Variants in DNAH1 observed in about 807,000 individuals in gnomAD.
DNAH1 encodes the protein dynein axonemal heavy chain 1.
In DNAH1, 327 loss-of-function variants were observed where a neutral mutation model predicts 484.3. The ratio of observed to expected loss-of-function variants is 0.68; its 90% CI spans 0.62 to 0.74. The LOEUF (loss-of-function observed/expected upper bound fraction) is 0.74, where lower values mean the gene tolerates loss of function less well. DNAH1 is among the 30% of genes least tolerant of loss of function. The pLI is 0.00. For missense variants in DNAH1, 5,052 were observed against 5,546.8 expected (o/e 0.91, Z 2.83); for synonymous variants, 2,192 against 2,191.9 (o/e 1.00, Z 0.00).
At chr3:52,320,420 C>T (rs1701102887) in intron 1 of DNAH1, among the ~76,000 whole-genome samples, 1 of 152,244 alleles carries the variant, frequency 6.6e-6, no homozygotes, top group South Asian at 2.1e-4. Flanking sequence ...GGCTGAATGT[C>T]TGGGGCTTCC....
In DNAH1 at chr3:52,361,618, C is replaced by T; in HGVS notation, c.4875-43C>T. Reference sequence around the variant, plus strand: ...CTCAGAGGGAGGTGCCCAGATTGGGCTCTGAACACATGTGCCCCATCCAAT... The same window carrying T: ...CTCAGAGGGAGGTGCCCAGATTGGGTTCTGAACACATGTGCCCCATCCAAT... On this transcript the variant is annotated intron_variant, in intron 29 of 77. Coordinates refer to ENST00000420323, the MANE Select transcript of DNAH1 (RefSeq NM_015512.5). This position sits in a 1 kb window ranked among gnomAD's most constrained non-coding sequence, Gnocchi z 5.6. 6.4e-7 allele frequency: 1 copy of T among 1,550,980 alleles called. No homozygotes were observed. Among genetic ancestry groups the T allele is most frequent in the Middle Eastern group, 1.7e-4 (1 of 5,978 alleles).
chr3:52,338,939 CAGG>C (rs1242184145), intron 8 of DNAH1, among the ~76,000 whole-genome samples: 2 of 150,730 alleles, frequency 1.3e-5, no homozygotes, highest in Non-Finnish European at 2.9e-5. Flanking sequence ...GAGGCTGAGG[CAGG>C]AGAATTGCTT....
At position 52,379,815 on chromosome 3, in the gene DNAH1, A is replaced by T; in HGVS notation, c.7378-90A>T. Reference sequence around the variant, plus strand: ...CCAGGCTCCAGTCAGGGCCCCAGGAACTGGGGCCCACCCTCCCTTGCCTGG... The same window carrying T: ...CCAGGCTCCAGTCAGGGCCCCAGGATCTGGGGCCCACCCTCCCTTGCCTGG... On this transcript the variant is annotated intron_variant, in intron 47 of 77. Coordinates refer to ENST00000420323, the MANE Select transcript of DNAH1 (RefSeq NM_015512.5). This position sits in a 1 kb window ranked among gnomAD's most constrained non-coding sequence, Gnocchi z 4.4. The T allele has an allele frequency of 8.6e-7, 1 of 1,161,722 alleles. No individual in the cohort carries two copies. Among genetic ancestry groups the T allele is most frequent in the Non-Finnish European group, 1.2e-6 (1 of 830,904 alleles). 72.0% of individuals were successfully genotyped at this position (1,161,722 alleles called of 1,614,324 possible). A position where few individuals can be genotyped will look rare whatever the true frequency, so the allele number is the denominator to read the frequency against.
chr3:52,390,829 G>T (rs1488324581), intron 60 of DNAH1, 106 bp from the exon 61 acceptor site: 1 of 1,495,104 alleles, frequency 6.7e-7, no homozygotes, highest in African/African-American at 1.4e-5. Flanking sequence ...ATGCAGTAAG[G>T]AGAGGGAAGT....
chr3:52,393,112 CTG>C, intron 65 of DNAH1, 87 bp downstream of exon 65: 2 of 1,506,288 alleles, frequency 1.3e-6, no homozygotes, highest in East Asian at 4.6e-5. Context: ...AAACTCACAA[CTG>C]TGTTCACTGG....
At chr3:52,372,521 A>T in intron 43 of DNAH1, 134 bp downstream of exon 43, 7 of 1,256,006 alleles carry the variant, frequency 5.6e-6, no homozygotes, top group African/African-American at 3.0e-5. Context: ...CAGCCCCCCA[A>T]TGGGCCCAGG....
At chr3:52,331,807 G>T (rs1468946023) in intron 7 of DNAH1, among the ~76,000 whole-genome samples, 2 of 151,806 alleles carry the variant, frequency 1.3e-5, no homozygotes, top group Non-Finnish European at 2.9e-5. Flanking sequence ...TGTAATTTTA[G>T]TAGAGACAGG....
chr3:52,346,608 A>G lies in DNAH1; in HGVS notation c.1793A>G (p.Lys598Arg), dbSNP rs1702153190. ...WEVYLMSKLR[K>R]LMELVKYMLQ... The stretch of plus-strand genomic sequence containing the variant: ...GTGTACCTCATGTCCAAGCTGCGCA[A>G]GCTGATGGAGCTGGTGAAGTACATG... Residue 598 changes from lysine (K) to arginine (R), a missense_variant, in exon 11 of 78, where the codon AAG becomes AGG. Physicochemically the swap from Lys to Arg is conservative, Grantham distance 26. Transcript: ENST00000420323. The G allele has an allele frequency of 1.2e-6, 2 of 1,613,942 alleles. No individual in the cohort carries two copies. Among genetic ancestry groups the G allele is most frequent in the Non-Finnish European group, 1.7e-6 (2 of 1,179,904 alleles).
intron 8 of DNAH1, among the ~76,000 whole-genome samples, chr3:52,336,887 G>A (rs532635026): frequency 6.6e-6 from 1 of 152,256 alleles, no homozygotes; most frequent in South Asian, 2.1e-4. Context: ...TGTTCTTTTT[G>A]CTTAGGTTTG....
At chr3:52,378,520 C>A in intron 46 of DNAH1, 82 bp from the exon 47 acceptor site, 2 of 1,468,108 alleles carry the variant, frequency 1.4e-6, no homozygotes, top group Non-Finnish European at 1.9e-6. Context: ...CACAGCACAG[C>A]AAAGGCAAGG....
At chr3:52,327,838 C>G (rs1451980062) in intron 5 of DNAH1, 44 bp from the exon 6 acceptor site, 2 of 1,606,864 alleles carry the variant, frequency 1.2e-6, no homozygotes, top group African/African-American at 1.3e-5. Context: ...CTGGGCCCCA[C>G]TAGAGGAGCT....
Position 52,349,378 on chromosome 3 carries a change from G to A in DNAH1, c.2484G>A (p.Val828=). 1 of 1,613,982 alleles carries A rather than the reference G, an allele frequency of 6.2e-7. No homozygotes were observed. The highest frequency in any genetic ancestry group is 8.5e-7 in the Non-Finnish European group (1 of 1,179,896). The change falls in exon 14 of 78, where the codon GTG becomes GTA. Residue 828 remains valine (V), a synonymous_variant. Coordinates refer to ENST00000420323, the MANE Select transcript of DNAH1 (RefSeq NM_015512.5). ...AACGCAAGGCCCTGGCCACTTCCGT[G>A]CTGGACATCCTTGCCAAGAACCTGC... ...SKKRKALATS[V]LDILAKNLHK...
At position 52,328,022 on chromosome 3, in the gene DNAH1, A is replaced by G. The variant is rs1384970311; in HGVS notation, c.871+8A>G. ...ATGACTTCCTGGGGCATGGTGAGCA[A>G]GGCCACTCTGGAGTGGGGACACTAT... On this transcript the variant is annotated splice_region_variant and intron_variant, in intron 6 of 77. Transcript: ENST00000420323. 1.2e-6 allele frequency: 2 copies of G among 1,613,080 alleles called. No homozygotes were observed. Among genetic ancestry groups the G allele is most frequent in the Non-Finnish European group, 1.7e-6 (2 of 1,179,216 alleles).
At chr3:52,398,509 C>T (rs1393298755) in intron 75 of DNAH1, among the ~76,000 whole-genome samples, 1 of 152,130 alleles carries the variant, frequency 6.6e-6, no homozygotes, top group Non-Finnish European at 1.5e-5. Flanking sequence ...AGGATGGTCT[C>T]GATCTCCTGA....
rs1704698620 is a variant in DNAH1 at position 52,397,738 on chromosome 3, TC to T, written c.11820del (p.Asn3941MetfsTer47). 1.2e-6 allele frequency: 2 copies of T among 1,612,890 alleles called. No individual in the cohort carries two copies. The highest frequency in any genetic ancestry group is 1.7e-6 in the Non-Finnish European group (2 of 1,179,324). On this transcript the variant is annotated frameshift_variant, in exon 74 of 78. Coordinates refer to ENST00000420323, the MANE Select transcript of DNAH1 (RefSeq NM_015512.5). LOFTEE classifies it high-confidence loss of function. ...GYLSYIKSLP[L>X]NDMPEIFGLH... ...CTCTCCTACATCAAGAGCCTCCCAC[TC>T]AATGATATGCCTGAGATCTTTGGCC...
chr3:52,393,000 G>C lies in DNAH1; in HGVS notation c.10449G>C (p.Ser3483=). Residue 3483 remains serine (S), a synonymous_variant, in exon 65 of 78, where the codon TCG becomes TCC. Transcript: ENST00000420323. ...SLEWFLNIFL[S]GIANSERADN... ...AGTGGTTTCTCAACATCTTCCTCTC[G>C]GGCATCGCCAACTCAGAGAGAGCAG... The C allele has an allele frequency of 2.5e-6, 4 of 1,613,436 alleles. No homozygotes were observed. Among genetic ancestry groups the C allele is most frequent in the Non-Finnish European group, 3.4e-6 (4 of 1,179,702 alleles).
intron 37 of DNAH1, among the ~76,000 whole-genome samples, chr3:52,369,184 C>T (rs954382850): frequency 1.3e-5 from 2 of 152,168 alleles, no homozygotes; most frequent in African/African-American, 2.4e-5. Flanking sequence ...CTTTTGTGCT[C>T]GAGCCCACCA....
At chr3:52,319,313 A>C (rs1276144104) in intron 1 of DNAH1, among the ~76,000 whole-genome samples, 3 of 152,222 alleles carry the variant, frequency 2.0e-5, no homozygotes, top group Non-Finnish European at 4.4e-5. Context: ...TAGGGCTCCC[A>C]GGTGATCTGA....
At position 52,338,253 on chromosome 3, in the gene DNAH1, C is replaced by T. The variant is rs1397715455; in HGVS notation, c.1286+5859C>T. On this transcript the variant is annotated intron_variant, in intron 8 of 77. Transcript: ENST00000420323. Reference sequence around the variant, plus strand: ...CCTCCTGAGTAGCTGGGATTACAGGCGCCTACCACCATGCCTGGCTATTTT... The same window carrying T: ...CCTCCTGAGTAGCTGGGATTACAGGTGCCTACCACCATGCCTGGCTATTTT... Among the ~76,000 whole-genome samples the T allele has an allele frequency of 8.5e-5, 13 of 152,136 alleles. No individual in the cohort carries two copies. In the East Asian group the frequency reaches 2.3e-3, roughly 27 times the overall value.
Sources: gnomAD v4.1 joint callset for allele counts (sites outside exome capture counted in the v4.1 genomes callset) on GRCh38, gnomAD v4.1.1 for gene constraint, Gnocchi (gnomAD v3.1) non-coding constraint, MANE v1.5 for transcripts, NCBI Gene and HGNC (gene_info 2026-07-23, HGNC 2026-07-21) for gene names.